Variants in RHBDD1 observed in about 807,000 individuals in gnomAD.
RHBDD1 encodes rhomboid domain containing 1.
RHBDD1 carries 38 observed loss-of-function variants against 36.3 expected under a neutral mutation model. That is an observed-to-expected ratio of 1.05 (90% CI 0.81 to 1.37). The LOEUF is 1.37. RHBDD1 is among the 40% of genes most tolerant of loss of function. RHBDD1 has a pLI of 0.00. For missense variants in RHBDD1, 393 were observed against 377.6 expected (o/e 1.04, Z -0.34); for synonymous variants, 151 against 136.5 (o/e 1.11, Z -0.74).
the RHBDD1 span, among the ~76,000 whole-genome samples, chr2:226,811,430 T>C: frequency 1.6e-3 from 240 of 152,306 alleles, 2 homozygotes; most frequent in Middle Eastern, 6.8e-3. Flanking sequence ...GCCTCCTGAG[T>C]AGCTGGGATT....
chr2:226,936,581 C>A (rs532541845), intron 8 of RHBDD1, among the ~76,000 whole-genome samples: 2 of 152,114 alleles, frequency 1.3e-5, no homozygotes, highest in African/African-American at 4.8e-5. Context: ...ACAATAAAAG[C>A]GTAAAGAAAA....
Position 226,933,708 on chromosome 2 carries a change from T to TA in RHBDD1, c.856+19365dup, listed in dbSNP as rs200305913. On this transcript the variant is annotated intron_variant, in intron 8 of 8. Transcript: ENST00000392062. Reference sequence around the variant, plus strand: ...ACTCTGGCTTGGGAGGCTGCCCAATTAAAAAAAACAAGTTAATTTAAGGAT... The same window carrying TA: ...ACTCTGGCTTGGGAGGCTGCCCAATTAAAAAAAAACAAGTTAATTTAAGGAT... Among the ~76,000 whole-genome samples, 157 of 151,990 alleles carry TA rather than the reference T, an allele frequency of 1.0e-3. 1 individual carries two copies. The highest frequency in any genetic ancestry group is 3.4e-3 in the African/African-American group (139 of 41,478).
At position 226,909,251 on chromosome 2, in the gene RHBDD1, T is replaced by C. The variant is rs1470640038; in HGVS notation, c.712+373T>C. Among the ~76,000 whole-genome samples, 24 of 152,290 alleles carry C rather than the reference T, an allele frequency of 1.6e-4. No individual in the cohort carries two copies. The South Asian group carries it at 1.7e-3, about 11-fold the overall frequency. ...ATAGTTCTCCATGGCCCATCCTGTG[T>C]ATATTCAGGAACCCTTGCATACCGT... On this transcript the variant is annotated intron_variant, in intron 7 of 8. Transcript: ENST00000392062.
intron 8 of RHBDD1, among the ~76,000 whole-genome samples, chr2:226,932,268 C>A (rs1231964476): frequency 6.6e-6 from 1 of 152,092 alleles, no homozygotes; most frequent in African/African-American, 2.4e-5. Flanking sequence ...GCCACGTGCA[C>A]CTGAAAAGAA....
intron 3 of RHBDD1, among the ~76,000 whole-genome samples, chr2:226,852,010 G>A (rs1942863406): frequency 6.6e-6 from 1 of 152,192 alleles, no homozygotes; most frequent in African/African-American, 2.4e-5. Flanking sequence ...GGTTGCTGAA[G>A]TCCTCAGTTT....
chr2:226,855,736 A>G (rs985645069), intron 3 of RHBDD1, among the ~76,000 whole-genome samples: 1 of 152,216 alleles, frequency 6.6e-6, no homozygotes, highest in Admixed American at 6.5e-5. Flanking sequence ...TCTAAGTTGT[A>G]GATATTTCTG....
chr2:226,850,039 A>G (rs1021486716), intron 3 of RHBDD1, among the ~76,000 whole-genome samples: 2 of 152,260 alleles, frequency 1.3e-5, no homozygotes, highest in Non-Finnish European at 2.9e-5. Flanking sequence ...GGGGAAGCCC[A>G]GACTAAAACA....
intron 7 of RHBDD1, among the ~76,000 whole-genome samples, chr2:226,910,507 G>A (rs2396434): frequency 5.3e-5 from 8 of 151,760 alleles, no homozygotes; most frequent in East Asian, 1.9e-4. Flanking sequence ...TCAAAGAACC[G>A]CATGAATATT....
chr2:226,972,300 T>G (rs1953689832), intron 8 of RHBDD1, among the ~76,000 whole-genome samples: 1 of 152,172 alleles, frequency 6.6e-6, no homozygotes, highest in Non-Finnish European at 1.5e-5. Flanking sequence ...GGTGTATATG[T>G]GCCACATTTT....
At chr2:226,830,435 TCAAA>T in the RHBDD1 span, among the ~76,000 whole-genome samples, 1 of 152,224 alleles carries the variant, frequency 6.6e-6, no homozygotes, top group African/African-American at 2.4e-5. Context: ...TTATAGCAGC[TCAAA>T]CAGACTAAGA....
chr2:226,893,507 G>A (rs1012238154), intron 5 of RHBDD1, among the ~76,000 whole-genome samples: 16 of 152,110 alleles, frequency 1.1e-4, no homozygotes, highest in Admixed American at 3.3e-4. Flanking sequence ...CTTTTATTGC[G>A]TATCAGTTCA....
At chr2:226,920,400 C>A (rs547408326) in intron 8 of RHBDD1, among the ~76,000 whole-genome samples, 4 of 152,052 alleles carry the variant, frequency 2.6e-5, no homozygotes, top group African/African-American at 9.7e-5. Flanking sequence ...GCTGATTGCT[C>A]TAGCTAGGAC....
chr2:226,828,988 T>C, the RHBDD1 span, among the ~76,000 whole-genome samples: 1 of 152,182 alleles, frequency 6.6e-6, no homozygotes, highest in Non-Finnish European at 1.5e-5. Context: ...GACAAAGATT[T>C]TCTTTTGTGA....
intron 5 of RHBDD1, among the ~76,000 whole-genome samples, chr2:226,892,407 G>A (rs960237801): frequency 1.3e-5 from 2 of 148,314 alleles, no homozygotes; most frequent in African/African-American, 5.2e-5. Flanking sequence ...CTTGATGTTG[G>A]CTCTAGGAAT....
rs551632111 is a variant in RHBDD1, at chr2:226,921,351, C to T, written c.856+7000C>T. Among the ~76,000 whole-genome samples the T allele has an allele frequency of 7.2e-5, 11 of 151,988 alleles. No homozygotes were observed. In the South Asian group the frequency reaches 2.1e-3, roughly 29 times the overall value. On this transcript the variant is annotated intron_variant, in intron 8 of 8. Transcript: ENST00000392062. ...TTTTTTCGTTTCATTTAGTTCTACT[C>T]TTTATTACTTCTTTTCTTCTACTAT...
chr2:226,828,758 T>C, the RHBDD1 span, among the ~76,000 whole-genome samples: 15 of 152,344 alleles, frequency 9.8e-5, no homozygotes, highest in Middle Eastern at 3.4e-3. Flanking sequence ...TGAATTGTTT[T>C]CTACTTGACT....
At chr2:226,884,093 A>G (rs992907027) in intron 5 of RHBDD1, among the ~76,000 whole-genome samples, 3 of 152,218 alleles carry the variant, frequency 2.0e-5, no homozygotes, top group African/African-American at 7.2e-5. Flanking sequence ...ATGATAAATC[A>G]CATCTCTGGA....
intron 8 of RHBDD1, among the ~76,000 whole-genome samples, chr2:226,945,406 G>A (rs1950920082): frequency 6.6e-6 from 1 of 151,984 alleles, no homozygotes; most frequent in Non-Finnish European, 1.5e-5. Flanking sequence ...GAGAACATAT[G>A]GTGTTTGGTT....
chr2:226,977,036 T>C (rs1361675771), intron 8 of RHBDD1, among the ~76,000 whole-genome samples: 1 of 152,184 alleles, frequency 6.6e-6, no homozygotes, highest in East Asian at 1.9e-4. Context: ...GGGATAAGGC[T>C]GGCCTCACAA....
Sources: allele counts gnomAD v4.1 joint callset (sites outside exome capture counted in the v4.1 genomes callset), GRCh38; gene constraint gnomAD v4.1.1; transcripts MANE v1.5; gene names NCBI Gene and HGNC (gene_info 2026-07-23, HGNC 2026-07-21).